The following COL6A5 variants were observed in gnomAD, a reference collection of about 807,000 sequenced individuals.
The protein encoded by COL6A5 is collagen type VI alpha 5 chain, also known as collagen alpha-5(VI) chain.
In COL6A5, 48 loss-of-function variants were observed where a neutral mutation model predicts 65.6. The ratio of observed to expected loss-of-function variants is 0.73; its 90% confidence interval spans 0.58 to 0.93. The LOEUF is 0.93. Ranked by LOEUF, COL6A5 falls within the 40% of genes least tolerant of loss-of-function variation. COL6A5 has a pLI of 0.00. For missense variants in COL6A5, 914 were observed against 928.3 expected (o/e 0.98, Z 0.20); for synonymous variants, 291 against 322.8 (o/e 0.90, Z 1.05).
At chr3:130,399,770 T>C (rs1936752923) in intron 10 of COL6A5, among the ~76,000 whole-genome samples, 1 of 151,616 alleles carries the variant, frequency 6.6e-6, no homozygotes, top group Admixed American at 6.6e-5. Flanking sequence ...TATACTTTTT[T>C]AGATGGATTT....
chr3:130,403,304 T>C (rs961560824), intron 12 of COL6A5, among the ~76,000 whole-genome samples: 3 of 152,302 alleles, frequency 2.0e-5, no homozygotes, highest in African/African-American at 7.2e-5. Context: ...CTGGTACAGC[T>C]GTCCTCCCTG....
intron 1 of COL6A5, among the ~76,000 whole-genome samples, chr3:130,436,459 AC>A (rs1323265690): frequency 6.6e-6 from 1 of 152,000 alleles, no homozygotes; most frequent in Non-Finnish European, 1.5e-5. Flanking sequence ...GGGAAAAAAA[AC>A]ATTGTCTATA....
chr3:130,476,765 T>A (rs1710110350), intron 7 of COL6A5: 2 of 524,508 alleles, frequency 3.8e-6, no homozygotes, highest in Non-Finnish European at 3.6e-6. Context: ...CAAGTGTGCG[T>A]CTTTGTTGTT....
upstream of COL6A5, among the ~76,000 whole-genome samples, chr3:130,428,280 A>C (rs1937652179): frequency 6.6e-6 from 1 of 152,176 alleles, no homozygotes; most frequent in Non-Finnish European, 1.5e-5. Context: ...GCTGATCTAA[A>C]TGGCCTCACT....
At chr3:130,416,790 A>G in exon 24 of COL6A5, 1 of 1,533,726 alleles carries the variant, frequency 6.5e-7, no homozygotes, top group African/African-American at 1.4e-5. Flanking sequence ...TAAAGGGAGC[A>G]CTGGAAGACC....
chr3:130,452,501 C>A (rs1709468504), intron 4 of COL6A5, among the ~76,000 whole-genome samples: 1 of 152,120 alleles, frequency 6.6e-6, no homozygotes. Flanking sequence ...GCCGCAAAAC[C>A]AGCAAGTTTT....
At chr3:130,366,781 A>C (rs1935356117) in intron 1 of COL6A5, among the ~76,000 whole-genome samples, 1 of 152,216 alleles carries the variant, frequency 6.6e-6, no homozygotes, top group Non-Finnish European at 1.5e-5. Context: ...ACAAATATTC[A>C]CTATGCACCT....
intron 5 of COL6A5, among the ~76,000 whole-genome samples, chr3:130,456,971 G>T (rs566352345): frequency 7.2e-5 from 11 of 152,008 alleles, no homozygotes; most frequent in Non-Finnish European, 1.6e-4. Flanking sequence ...TGAAAAATAG[G>T]CATCTTAGCT....
chr3:130,399,352 G>A (rs1241552447), intron 10 of COL6A5, among the ~76,000 whole-genome samples: 1 of 150,322 alleles, frequency 6.7e-6, no homozygotes, highest in East Asian at 2.0e-4. Flanking sequence ...TGCCATTTCA[G>A]CCTTAACTCA....
intron 3 of COL6A5, among the ~76,000 whole-genome samples, chr3:130,377,566 T>C (rs1251150666): frequency 1.3e-5 from 2 of 152,230 alleles, no homozygotes; most frequent in Non-Finnish European, 2.9e-5. Flanking sequence ...AGTAATGCAA[T>C]GCAGTGGACT....
intron 1 of COL6A5, 103 bp from the exon 2 acceptor site, chr3:130,373,508 C>T: frequency 4.8e-6 from 3 of 622,974 alleles, no homozygotes; most frequent in East Asian, 2.8e-5. Flanking sequence ...CACTGCTTGA[C>T]AAATACTTGT....
intron 4 of COL6A5, among the ~76,000 whole-genome samples, chr3:130,384,159 A>G (rs1380939769): frequency 1.3e-5 from 2 of 152,052 alleles, no homozygotes; most frequent in African/African-American, 4.8e-5. Context: ...GAATATTTCA[A>G]GAAGAGAGGA....
intron 7 of COL6A5, among the ~76,000 whole-genome samples, chr3:130,478,073 G>T (rs751683660): frequency 6.6e-6 from 1 of 152,022 alleles, no homozygotes; most frequent in Non-Finnish European, 1.5e-5. Flanking sequence ...GTGATCTTGG[G>T]CATGTCACAT....
intron 4 of COL6A5, 51 bp from the exon 5 acceptor site, chr3:130,384,753 C>G: frequency 2.1e-6 from 3 of 1,427,118 alleles, no homozygotes; most frequent in South Asian, 3.0e-5. Flanking sequence ...AACCCTCTTG[C>G]AAAGTTCTCT....
intron 4 of COL6A5, 77 bp from the exon 5 acceptor site, chr3:130,384,727 C>T (rs1477635259): frequency 8.3e-7 from 1 of 1,200,044 alleles, no homozygotes; most frequent in African/African-American, 1.5e-5. Context: ...ATGCCTCAGC[C>T]TCATGTTCCT....
Position 130,406,266 on chromosome 3 carries a change from A to C in COL6A5, c.4426-2A>C. On this transcript the variant is annotated splice_acceptor_variant and NMD_transcript_variant, in intron 16 of 41. Coordinates refer to the COL6A5 transcript ENST00000312481. ...AATTTTGTTTTTCTTGTCTTCTTTTAGGGCTGTCATGGATTTCCTGGAATA... is the reference window on the plus strand; with the variant it reads ...AATTTTGTTTTTCTTGTCTTCTTTTCGGGCTGTCATGGATTTCCTGGAATA... 1 of 1,550,640 alleles carries C rather than the reference A, an allele frequency of 6.4e-7. No homozygotes were observed. Among genetic ancestry groups the C allele is most frequent in the Non-Finnish European group, 8.7e-7 (1 of 1,146,142 alleles).
intron 6 of COL6A5, 81 bp from the exon 39 acceptor site, chr3:130,470,790 C>G: frequency 2.0e-6 from 2 of 1,003,942 alleles, no homozygotes; most frequent in Non-Finnish European, 3.1e-6. Flanking sequence ...CTGCCAACCA[C>G]GTGAAAACAT....
chr3:130,458,870 A>G lies in COL6A5; in HGVS notation c.1544+3204A>G, dbSNP rs541559047. On this transcript the variant is annotated intron_variant, in intron 5 of 7. Coordinates refer to ENST00000512836, the Ensembl canonical transcript of COL6A5. ...TCCCTTGCAACATGCAGTCCCTTCT[A>G]ATTACTTGCCAACAGAATGCACTTT... 1.4e-4 allele frequency among the ~76,000 whole-genome samples: 22 copies of G among 152,236 alleles called. No homozygotes were observed. The East Asian group carries it at 4.3e-3, about 29-fold the overall frequency.
chr3:130,467,034 C>T (rs1464065626), intron 5 of COL6A5, among the ~76,000 whole-genome samples: 1 of 151,866 alleles, frequency 6.6e-6, no homozygotes, highest in African/African-American at 2.4e-5. Context: ...AGAAATAATA[C>T]CAATTCTACA....
Sources: allele counts gnomAD v4.1 joint callset (sites outside exome capture counted in the v4.1 genomes callset), GRCh38; gene constraint gnomAD v4.1.1; transcripts MANE v1.5; gene names NCBI Gene and HGNC (gene_info 2026-07-23, HGNC 2026-07-21).